GRM5: variants seen among roughly 807,000 people sequenced by gnomAD.
GRM5 encodes the protein metabotropic glutamate receptor 5.
A neutral mutation model predicts 83.1 loss-of-function variants in GRM5; 19 were observed. The observed-to-expected ratio is 0.23, with a 90% confidence interval of 0.16 to 0.34. The LOEUF is 0.34. Ranked by LOEUF, GRM5 falls within the 10% of genes least tolerant of loss-of-function variation. The pLI is 1.00. For synonymous variants in GRM5, 675 were observed against 633.6 expected, an observed-to-expected ratio of 1.07 and a Z score of -0.98; for missense variants, 1,160 against 1,588.3, an observed-to-expected ratio of 0.73 and a Z score of 4.58.
intron 3 of GRM5, among the ~76,000 whole-genome samples, chr11:88,655,360 T>C (rs567793938): frequency 2.0e-5 from 3 of 152,088 alleles, no homozygotes; most frequent in East Asian, 1.9e-4. Flanking sequence ...AGGAGCAGCA[T>C]GGGCGTGTTG....
chr11:89,044,593 A>T (rs1423526427), intron 2 of GRM5, among the ~76,000 whole-genome samples: 1 of 152,152 alleles, frequency 6.6e-6, no homozygotes, highest in Non-Finnish European at 1.5e-5. Flanking sequence ...TGAAAATAGG[A>T]CCACATCTTT....
intron 9 of GRM5, chr11:88,512,021 A>G (rs899572579): frequency 6.6e-6 from 1 of 152,234 alleles, no homozygotes; most frequent in African/African-American, 2.4e-5. Context: ...TGCAAACACT[A>G]GCTTTTAAAA....
chr11:88,594,694 T>A (rs775327489), intron 6 of GRM5, among the ~76,000 whole-genome samples: 1 of 152,222 alleles, frequency 6.6e-6, no homozygotes, highest in African/African-American at 2.4e-5. Flanking sequence ...GCTTTCCAAA[T>A]CTTCAGACCT....
intron 3 of GRM5, among the ~76,000 whole-genome samples, chr11:88,692,645 G>A (rs954945911): frequency 3.3e-5 from 5 of 152,190 alleles, no homozygotes; most frequent in African/African-American, 4.8e-5. Context: ...CATGTTCATA[G>A]TCATTTGGAA....
At chr11:88,594,776 T>C (rs1025556475) in intron 6 of GRM5, among the ~76,000 whole-genome samples, 2 of 152,166 alleles carry the variant, frequency 1.3e-5, no homozygotes, top group Non-Finnish European at 2.9e-5. Flanking sequence ...AAAAAACACA[T>C]GAAATGCCTT....
intron 3 of GRM5, among the ~76,000 whole-genome samples, chr11:88,829,414 T>C (rs1053738670): frequency 2.0e-5 from 3 of 152,144 alleles, no homozygotes; most frequent in Non-Finnish European, 2.9e-5. Flanking sequence ...TGAGCTGAGA[T>C]TGTGCTACTG....
chr11:88,507,122 T>C lies in GRM5; in HGVS notation c.*1470A>G, dbSNP rs1256812451. On this transcript the variant is annotated 3_prime_UTR_variant, in exon 10 of 10. Coordinates refer to ENST00000305447, the MANE Select transcript of GRM5 (RefSeq NM_001143831.3). ...GTCTTGAACTATGAATTCTACCTATTTGAGACTATCAAAGCACACTTGTTT... is the reference window on the plus strand; with the variant it reads ...GTCTTGAACTATGAATTCTACCTATCTGAGACTATCAAAGCACACTTGTTT... The C allele has an allele frequency of 6.6e-6, 1 of 152,176 alleles. No homozygotes were observed. Among genetic ancestry groups the C allele is most frequent in the African/African-American group, 2.4e-5 (1 of 41,418 alleles). The allele number at this position is 152,176 out of a possible 1,614,324, so 9.4% of individuals were successfully genotyped here.
At chr11:88,629,543 C>A (rs553814769) in intron 4 of GRM5, among the ~76,000 whole-genome samples, 10 of 152,124 alleles carry the variant, frequency 6.6e-5, no homozygotes, top group East Asian at 3.9e-4. Flanking sequence ...AAATAGAAAA[C>A]CTCTTCATGA....
intron 2 of GRM5, among the ~76,000 whole-genome samples, chr11:89,045,824 T>A (rs1346352436): frequency 2.6e-5 from 4 of 152,192 alleles, no homozygotes; most frequent in South Asian, 2.1e-4. Flanking sequence ...ACATTTTTAC[T>A]TTCTCACCTA....
At chr11:88,689,782 C>T (rs986300798) in intron 3 of GRM5, among the ~76,000 whole-genome samples, 10 of 152,170 alleles carry the variant, frequency 6.6e-5, no homozygotes, top group Non-Finnish European at 1.2e-4. Context: ...GTGCACTGTT[C>T]TTGCCAAGAA....
At chr11:88,916,940 G>A (rs552090357) in intron 2 of GRM5, among the ~76,000 whole-genome samples, 143 of 152,250 alleles carry the variant, frequency 9.4e-4, no homozygotes, top group Non-Finnish European at 1.0e-3. Context: ...AGACCTAGGC[G>A]TGGCAGGATT....
intron 3 of GRM5, among the ~76,000 whole-genome samples, chr11:88,696,971 T>A (rs1051467937): frequency 4.6e-5 from 7 of 152,138 alleles, no homozygotes; most frequent in African/African-American, 1.7e-4. Flanking sequence ...CTTTAAAAAT[T>A]TTTTCTTTCT....
chr11:88,837,262 G>T (rs1473567128), intron 3 of GRM5, among the ~76,000 whole-genome samples: 1 of 152,122 alleles, frequency 6.6e-6, no homozygotes, highest in African/African-American at 2.4e-5. Context: ...TCCAGAGATG[G>T]TTTTCCAGAA....
intron 3 of GRM5, among the ~76,000 whole-genome samples, chr11:88,828,829 A>C (rs538908290): frequency 6.6e-6 from 1 of 152,182 alleles, no homozygotes; most frequent in East Asian, 1.9e-4. Context: ...TATTAGCAAC[A>C]ATTAGTTGGA....
intron 3 of GRM5, among the ~76,000 whole-genome samples, chr11:88,758,368 G>T (rs1258174128): frequency 6.6e-6 from 1 of 152,096 alleles, no homozygotes; most frequent in Non-Finnish European, 1.5e-5. Flanking sequence ...AGACAAAATG[G>T]CCAGTATAGA....
intron 3 of GRM5, among the ~76,000 whole-genome samples, chr11:88,813,832 A>T (rs1341883644): frequency 1.3e-5 from 2 of 152,174 alleles, no homozygotes; most frequent in African/African-American, 4.8e-5. Context: ...AATACTGAAT[A>T]AAGTGGCTCA....
intron 3 of GRM5, among the ~76,000 whole-genome samples, chr11:88,819,784 C>G (rs1438715115): frequency 6.6e-6 from 1 of 152,044 alleles, no homozygotes; most frequent in African/African-American, 2.4e-5. Flanking sequence ...GGAGGCTGGG[C>G]AGTCCAAGGT....
Position 88,789,544 on chromosome 11 carries a change from A to G in GRM5, c.911+60362T>C, listed in dbSNP as rs200123032. On this transcript the variant is annotated intron_variant, in intron 3 of 9. Transcript: ENST00000305447. ...TTTAGCCATTTTTGATATTTTTAAT[A>G]CTCAGAGAATTTATAAACATTCCTA... is the stretch of plus-strand genomic sequence containing the variant. Among the ~76,000 whole-genome samples, 4 of 152,224 alleles carry G rather than the reference A, an allele frequency of 2.6e-5. No homozygotes were observed. In the East Asian group the frequency reaches 7.7e-4, roughly 29 times the overall value.
intron 4 of GRM5, among the ~76,000 whole-genome samples, chr11:88,616,582 T>C (rs967945354): frequency 6.6e-6 from 1 of 151,986 alleles, no homozygotes; most frequent in African/African-American, 2.4e-5. Flanking sequence ...TTTGAAAGCA[T>C]AGAGAATAGA....
Sources: gnomAD v4.1 joint callset for allele counts (sites outside exome capture counted in the v4.1 genomes callset) on GRCh38, gnomAD v4.1.1 for gene constraint, MANE v1.5 for transcripts, NCBI Gene and HGNC (gene_info 2026-07-23, HGNC 2026-07-21) for gene names.